RYR2: variants seen among roughly 807,000 people sequenced by gnomAD.
RYR2 encodes the protein ryanodine receptor 2, also known as cardiac muscle ryanodine receptor-calcium release channel.
A neutral mutation model predicts 601.1 loss-of-function variants in RYR2; 227 were observed. The observed-to-expected ratio is 0.38, with a 90% CI of 0.34 to 0.42. The LOEUF (loss-of-function observed/expected upper bound fraction) is 0.42, where lower values mean the gene tolerates loss of function less well. RYR2 is among the 10% of genes least tolerant of loss of function. The pLI, the probability that RYR2 is intolerant of heterozygous loss-of-function variation, is 1.00. For synonymous variants in RYR2, 2,223 were observed against 2,175.1 expected, an observed-to-expected ratio of 1.02 and a Z score of -0.61; for missense variants, 4,646 against 6,156.5, an observed-to-expected ratio of 0.75 and a Z score of 8.21.
chr1:237,714,422 A>ATGAC (rs1208170343), intron 71 of RYR2, among the ~76,000 whole-genome samples: 1 of 152,180 alleles, frequency 6.6e-6, no homozygotes, highest in Non-Finnish European at 1.5e-5. Context: ...GTCTTGGAAA[A>ATGAC]TGAGTCTTTT....
chr1:237,812,430 C>CTTGT (rs1661349405), intron 100 of RYR2, among the ~76,000 whole-genome samples: 1 of 152,086 alleles, frequency 6.6e-6, no homozygotes, highest in Admixed American at 6.6e-5. Context: ...CCAGAAATTC[C>CTTGT]AGAAGTTTTG....
intron 17 of RYR2, among the ~76,000 whole-genome samples, chr1:237,474,238 T>C (rs1386805643): frequency 7.0e-6 from 1 of 143,104 alleles, no homozygotes; most frequent in Non-Finnish European, 1.5e-5. Context: ...TACATATATA[T>C]GTATAGATAT....
rs540192643 is a variant in RYR2 at position 237,719,454 on chromosome 1, G to A, written c.10554+933G>A. On this transcript the variant is annotated intron_variant, in intron 73 of 104. Coordinates refer to ENST00000366574, the MANE Select transcript of RYR2 (RefSeq NM_001035.3). ...AAGTATAACACGGGCATCTGCTTTTGGGGAGGTTCCAGGAAGCTTAAAATC... is the reference window on the plus strand; with the variant it reads ...AAGTATAACACGGGCATCTGCTTTTAGGGAGGTTCCAGGAAGCTTAAAATC... 2.6e-5 allele frequency among the ~76,000 whole-genome samples: 4 copies of A among 152,196 alleles called. No individual in the cohort carries two copies. The South Asian group carries it at 8.3e-4, about 32-fold the overall frequency.
chr1:237,316,780 C>T (rs1205795341), intron 2 of RYR2, among the ~76,000 whole-genome samples: 2 of 152,048 alleles, frequency 1.3e-5, no homozygotes, highest in Admixed American at 1.3e-4. Context: ...TAAAGATGTT[C>T]ATTTTACTTG....
chr1:237,791,348 G>T, intron 92 of RYR2, 81 bp from the exon 93 acceptor site: 1 of 763,854 alleles, frequency 1.3e-6, no homozygotes, highest in Admixed American at 2.0e-5. Flanking sequence ...TGGGGTAAAT[G>T]AATGAATGCT....
chr1:237,214,300 G>A (rs1419400604), intron 1 of RYR2, among the ~76,000 whole-genome samples: 1 of 152,070 alleles, frequency 6.6e-6, no homozygotes, highest in Non-Finnish European at 1.5e-5. Context: ...TTTCTATAAA[G>A]GACTAACTGA....
At chr1:237,070,140 C>T (rs77203812) in intron 1 of RYR2, among the ~76,000 whole-genome samples, 2,083 of 151,812 alleles carry the variant, frequency 0.014, 50 homozygotes, top group African/African-American at 0.048. Context: ...AAGTGATCCT[C>T]CCACCTAGGC....
intron 97 of RYR2, among the ~76,000 whole-genome samples, chr1:237,801,434 C>A (rs369641923): frequency 6.7e-6 from 1 of 148,988 alleles, no homozygotes; most frequent in Non-Finnish European, 1.5e-5. Context: ...CCCAGCTACT[C>A]GGGAGGCTGA....
intron 16 of RYR2, among the ~76,000 whole-genome samples, chr1:237,463,115 G>T (rs2150264569): frequency 6.6e-6 from 1 of 152,000 alleles, no homozygotes; most frequent in South Asian, 2.1e-4. Flanking sequence ...ATTTTTTTCA[G>T]GCTTAGGAGC....
intron 1 of RYR2, among the ~76,000 whole-genome samples, chr1:237,065,235 C>T (rs914525586): frequency 6.8e-6 from 1 of 147,728 alleles, no homozygotes; most frequent in Admixed American, 6.8e-5. Flanking sequence ...AGATACAGAA[C>T]TGTTCCATCC....
At chr1:237,611,423 A>G (rs1383856893) in intron 36 of RYR2, among the ~76,000 whole-genome samples, 1 of 152,184 alleles carries the variant, frequency 6.6e-6, no homozygotes, top group Admixed American at 6.5e-5. Flanking sequence ...CTGATCCAAG[A>G]GATATTAATG....
At chr1:237,569,411 G>T in intron 29 of RYR2, 92 bp downstream of exon 29, 5 of 1,249,572 alleles carry the variant, frequency 4.0e-6, no homozygotes, top group Non-Finnish European at 3.4e-6. Flanking sequence ...CTGTTTCAGG[G>T]TGAGTGAGCA....
intron 58 of RYR2, among the ~76,000 whole-genome samples, chr1:237,671,880 G>A (rs889109997): frequency 1.3e-5 from 2 of 152,084 alleles, no homozygotes; most frequent in African/African-American, 4.8e-5. Context: ...CAAGTATTTT[G>A]TACCATGGTC....
intron 10 of RYR2, among the ~76,000 whole-genome samples, chr1:237,402,901 C>CAAGA (rs1703512238): frequency 6.7e-6 from 1 of 149,008 alleles, no homozygotes; most frequent in East Asian, 1.9e-4. Context: ...CCTGCTTCAG[C>CAAGA]CTCCTGTCTC....
At chr1:237,367,125 G>A (rs962583000) in intron 5 of RYR2, among the ~76,000 whole-genome samples, 6 of 151,794 alleles carry the variant, frequency 4.0e-5, no homozygotes, top group African/African-American at 1.2e-4. Flanking sequence ...ATAGAATCTC[G>A]CTCTGTTGCC....
rs552564367 is a variant in RYR2, at chr1:237,566,618, G to T, written c.3266G>T (p.Arg1089Leu). The change falls in exon 28 of 105, where the codon CGT (arginine) becomes CTT (leucine). Residue 1089 changes from arginine to leucine, a missense_variant. Physicochemically the swap from Arg to Leu is moderately radical, Grantham distance 102. Transcript: ENST00000366574. ...SGTGERFRIFRAEKTYAVKAG... is the reference protein window; with the variant it reads ...SGTGERFRIFLAEKTYAVKAG... ...ACCGGGGAAAGGTTCCGAATCTTCC[G>T]TGCCGAGAAGACCTATGCAGTGAAG... is the stretch of plus-strand genomic sequence containing the variant. The T allele has an allele frequency of 6.2e-7, 1 of 1,613,826 alleles. No homozygotes were observed. The highest frequency in any genetic ancestry group is 8.5e-7 in the Non-Finnish European group (1 of 1,179,884).
At chr1:237,425,942 G>A (rs188290008) in intron 12 of RYR2, among the ~76,000 whole-genome samples, 2 of 151,892 alleles carry the variant, frequency 1.3e-5, no homozygotes, top group Non-Finnish European at 2.9e-5. Context: ...ATTTTTGACA[G>A]ATTCATACTA....
At chr1:237,511,829 T>TC in intron 24 of RYR2, 38 bp downstream of exon 24, 1 of 335,420 alleles carries the variant, frequency 3.0e-6, no homozygotes, top group Non-Finnish European at 4.9e-6. Context: ...CAACCTGCCT[T>TC]CCCTGAAAAA....
intron 1 of RYR2, among the ~76,000 whole-genome samples, chr1:237,126,983 A>C (rs940978881): frequency 6.6e-6 from 1 of 151,368 alleles, no homozygotes; most frequent in African/African-American, 2.4e-5. Flanking sequence ...AGTGGTGATG[A>C]CTCTTAACGA....
Sources: allele counts gnomAD v4.1 joint callset (sites outside exome capture counted in the v4.1 genomes callset), GRCh38; gene constraint gnomAD v4.1.1; transcripts MANE v1.5; gene names NCBI Gene and HGNC (gene_info 2026-07-23, HGNC 2026-07-21).